Variants in SDK1 observed in about 807,000 individuals in gnomAD.
The protein encoded by SDK1 is sidekick cell adhesion molecule 1.
SDK1 carries 157 observed loss-of-function variants against 245.5 expected under a neutral mutation model. The ratio of observed to expected loss-of-function variants is 0.64; its 90% CI spans 0.56 to 0.73. The LOEUF is 0.73. Ranked by LOEUF, SDK1 falls within the 30% of genes least tolerant of loss-of-function variation. The pLI is 0.00. For missense variants in SDK1, 3,583 were observed against 3,002.3 expected (o/e 1.19, Z -4.52); for synonymous variants, 1,647 against 1,278.5 (o/e 1.29, Z -6.15).
chr7:3,601,293 G>A (rs1781247362), intron 1 of SDK1, among the ~76,000 whole-genome samples: 1 of 152,130 alleles, frequency 6.6e-6, no homozygotes, highest in Non-Finnish European at 1.5e-5. Context: ...GTACATTGGT[G>A]TTGATTCTTC....
chr7:3,490,486 C>A (rs1781833766), intron 1 of SDK1, among the ~76,000 whole-genome samples: 2 of 152,262 alleles, frequency 1.3e-5, no homozygotes, highest in South Asian at 4.1e-4. Flanking sequence ...TTCTGTATAT[C>A]ATTTTAAAGA....
Position 4,265,171 on chromosome 7 carries a change from G to A in SDK1, c.6429G>A (p.Val2143=), listed in dbSNP as rs1410609359. ...YEDALPKHSF[V]NHYMSDPTYY... is the part of the protein sequence containing the mutation. Reference sequence around the variant, plus strand: ...ACGCGCTGCCCAAGCACTCCTTCGTGAACCACTACATGAGCGACCCCACCT... The same window carrying A: ...ACGCGCTGCCCAAGCACTCCTTCGTAAACCACTACATGAGCGACCCCACCT... Residue 2143 remains valine, a synonymous_variant, in exon 45 of 45, where the codon GTG becomes GTA. Coordinates refer to ENST00000404826, the MANE Select transcript of SDK1 (RefSeq NM_152744.4). The A allele has an allele frequency of 1.2e-6, 2 of 1,612,534 alleles. No individual in the cohort carries two copies. Among genetic ancestry groups the A allele is most frequent in the Non-Finnish European group, 8.5e-7 (1 of 1,179,648 alleles).
chr7:3,510,932 G>T (rs544380277), intron 1 of SDK1, among the ~76,000 whole-genome samples: 1 of 152,162 alleles, frequency 6.6e-6, no homozygotes, highest in African/African-American at 2.4e-5. Context: ...ATTTCCTTCC[G>T]TGGGAAGCCA....
intron 4 of SDK1, among the ~76,000 whole-genome samples, chr7:3,707,091 T>TA (rs1784913745): frequency 6.6e-6 from 1 of 152,202 alleles, no homozygotes; most frequent in African/African-American, 2.4e-5. Flanking sequence ...TTTCTTCTGC[T>TA]AGCTTTGGGT....
At chr7:4,019,124 C>G (rs1046563213) in intron 17 of SDK1, among the ~76,000 whole-genome samples, 1 of 152,116 alleles carries the variant, frequency 6.6e-6, no homozygotes, top group East Asian at 1.9e-4. Context: ...CCCAGTGCCT[C>G]CTGTACAGTG....
chr7:3,511,185 G>T (rs972894198), intron 1 of SDK1, among the ~76,000 whole-genome samples: 1 of 152,204 alleles, frequency 6.6e-6, no homozygotes, highest in Non-Finnish European at 1.5e-5. Context: ...ACCATAGTCT[G>T]TGTTAATAGG....
chr7:3,924,067 C>G (rs535244938), intron 5 of SDK1, among the ~76,000 whole-genome samples: 1 of 151,072 alleles, frequency 6.6e-6, no homozygotes, highest in Non-Finnish European at 1.5e-5. Context: ...ATGGGAGGCT[C>G]AAATCACCTG....
Position 4,266,128 on chromosome 7 carries a change from C to T in SDK1, c.*744C>T. ...GAGGGAAGCCTCTTAGGGCTGGAAG[C>T]CACCACGCTGGCCCTCTCCTTCCCC... is the stretch of plus-strand genomic sequence containing the variant. On this transcript the variant is annotated 3_prime_UTR_variant, in exon 45 of 45. Coordinates refer to ENST00000404826, the MANE Select transcript of SDK1 (RefSeq NM_152744.4). The T allele has an allele frequency of 1.0e-6, 1 of 985,546 alleles. No homozygotes were observed. Among genetic ancestry groups the T allele is most frequent in the Non-Finnish European group, 1.2e-6 (1 of 829,986 alleles). 61.1% of individuals were successfully genotyped at this position (985,546 alleles called of 1,614,324 possible).
At chr7:3,899,106 G>C (rs931305636) in intron 5 of SDK1, among the ~76,000 whole-genome samples, 1 of 152,114 alleles carries the variant, frequency 6.6e-6, no homozygotes, top group South Asian at 2.1e-4. Context: ...CTGTGATCCT[G>C]TCAGTCTTAC....
intron 1 of SDK1, among the ~76,000 whole-genome samples, chr7:3,389,508 G>C (rs1006504856): frequency 6.6e-6 from 1 of 152,180 alleles, no homozygotes; most frequent in Non-Finnish European, 1.5e-5. Context: ...CATTCCTTTA[G>C]ACTCATATTT....
At chr7:3,765,124 G>C (rs1021231457) in intron 4 of SDK1, among the ~76,000 whole-genome samples, 1 of 152,014 alleles carries the variant, frequency 6.6e-6, no homozygotes, top group East Asian at 1.9e-4. Flanking sequence ...AAAAATTTGA[G>C]AATCACTGGT....
At position 3,381,712 on chromosome 7, in the gene SDK1, A is replaced by C. The variant is rs903432252; in HGVS notation, c.298+79828A>C. Among the ~76,000 whole-genome samples, 4 of 152,162 alleles carry C rather than the reference A, an allele frequency of 2.6e-5. No homozygotes were observed. The South Asian group carries it at 8.3e-4, about 32-fold the overall frequency. ...GGGGATATGCTTTGAAGGAAGGAGA[A>C]AAGCACCTCTCCTTCCCTAAAAGAA... On this transcript the variant is annotated intron_variant, in intron 1 of 44. Transcript: ENST00000404826.
At chr7:3,722,566 G>C (rs1778847412) in intron 4 of SDK1, among the ~76,000 whole-genome samples, 3 of 152,142 alleles carry the variant, frequency 2.0e-5, no homozygotes, top group African/African-American at 7.2e-5. Context: ...AGGTCCAGGA[G>C]CTCCTTAGGG....
chr7:3,372,930 T>C (rs1171154431), intron 1 of SDK1, among the ~76,000 whole-genome samples: 2 of 152,160 alleles, frequency 1.3e-5, no homozygotes, highest in African/African-American at 2.4e-5. Flanking sequence ...ATACAAGACA[T>C]AGGAAAAGAA....
intron 1 of SDK1, among the ~76,000 whole-genome samples, chr7:3,473,675 TTA>T (rs966318988): frequency 1.6e-5 from 2 of 123,126 alleles, no homozygotes; most frequent in African/African-American, 5.3e-5. Flanking sequence ...ACATCTTGAA[TTA>T]TTTTTTTTTT....
rs1311700045 is a variant in SDK1, at chr7:3,442,142, AAAG to A, written c.298+140263_298+140265del. Reference sequence around the variant, plus strand: ...TTCAGGAATATCCACATTCTCCAAAAAAGAAGATTAAGCCATTATTATTGGGAG... The same window carrying A: ...TTCAGGAATATCCACATTCTCCAAAAAAGATTAAGCCATTATTATTGGGAG... On this transcript the variant is annotated intron_variant, in intron 1 of 44. Coordinates refer to ENST00000404826, the MANE Select transcript of SDK1 (RefSeq NM_152744.4). Among the ~76,000 whole-genome samples, 6 of 152,332 alleles carry A rather than the reference AAAG, an allele frequency of 3.9e-5. No individual in the cohort carries two copies. In the East Asian group the frequency reaches 7.7e-4, roughly 20 times the overall value.
intron 15 of SDK1, 110 bp from the exon 16 acceptor site, chr7:4,011,985 A>T (rs1786006891): frequency 3.9e-6 from 4 of 1,013,626 alleles, no homozygotes; most frequent in Non-Finnish European, 5.3e-6. Context: ...CTGAAACCCG[A>T]TTTTTGTGAA....
At chr7:3,939,644 A>G (rs1780284111) in intron 5 of SDK1, among the ~76,000 whole-genome samples, 2 of 152,132 alleles carry the variant, frequency 1.3e-5, no homozygotes, top group South Asian at 4.1e-4. Context: ...AAAAAATAAT[A>G]ATGTATCTGG....
At chr7:3,894,781 C>T (rs184503566) in intron 5 of SDK1, among the ~76,000 whole-genome samples, 1 of 151,438 alleles carries the variant, frequency 6.6e-6, no homozygotes, top group Admixed American at 6.6e-5. Context: ...TCACTGCAAC[C>T]TCTGCCTCCC....
Sources: allele counts gnomAD v4.1 joint callset (sites outside exome capture counted in the v4.1 genomes callset), GRCh38; gene constraint gnomAD v4.1.1; transcripts MANE v1.5; gene names NCBI Gene and HGNC (gene_info 2026-07-23, HGNC 2026-07-21).